RYR3: variants seen among roughly 807,000 people sequenced by gnomAD.
RYR3 encodes brain ryanodine receptor-calcium release channel.
In RYR3, 207 loss-of-function variants were observed where a neutral mutation model predicts 584.3. The ratio of observed to expected loss-of-function variants is 0.35; its 90% confidence interval spans 0.32 to 0.40. RYR3 has a LOEUF of 0.40. Ranked by LOEUF, RYR3 falls within the 10% of genes least tolerant of loss-of-function variation. RYR3 has a pLI of 1.00. For synonymous variants in RYR3, 2,416 were observed against 2,248.5 expected, an observed-to-expected ratio of 1.07 and a Z score of -2.11; for missense variants, 5,616 against 6,089.2, an observed-to-expected ratio of 0.92 and a Z score of 2.59.
chr15:33,857,826 C>T lies in RYR3; in HGVS notation c.14054C>T (p.Thr4685Ile). Residue 4685 changes from threonine to isoleucine, a missense_variant, in exon 99 of 104, where the codon ACT (threonine) becomes ATT (isoleucine). Around this residue, in one of 9 missense-constraint regions of RYR3, gnomAD observed 918 missense variants for 887.4 expected, o/e 1.03. Coordinates refer to ENST00000634891, the MANE Select transcript of RYR3 (RefSeq NM_001036.6). ...CTGGCCGTGGTGGTTTATCTCTATA[C>T]TGTGGTGGCTTTCAACTTCTTCCGC... ...GLLAVVVYLY[T>I]VVAFNFFRKF... 6.2e-7 allele frequency: 1 copy of T among 1,614,170 alleles called. No homozygotes were observed. The highest frequency in any genetic ancestry group is 2.2e-5 in the East Asian group (1 of 44,880).
At chr15:33,345,426 C>G (rs1972332387) in intron 1 of RYR3, among the ~76,000 whole-genome samples, 1 of 152,196 alleles carries the variant, frequency 6.6e-6, no homozygotes, top group African/African-American at 2.4e-5. Context: ...CAGCTCACTG[C>G]AGCCTTGACC....
intron 36 of RYR3, among the ~76,000 whole-genome samples, chr15:33,669,142 G>A (rs2063664308): frequency 6.6e-6 from 1 of 151,230 alleles, no homozygotes; most frequent in South Asian, 2.1e-4. Flanking sequence ...TCTTATTTAG[G>A]TATTTTCCAA....
At chr15:33,663,176 A>G (rs1209797833) in intron 35 of RYR3, among the ~76,000 whole-genome samples, 3 of 152,314 alleles carry the variant, frequency 2.0e-5, no homozygotes, top group Admixed American at 1.3e-4. Context: ...AGTGCAAAAA[A>G]CAATGAAAGA....
chr15:33,824,352 T>A (rs1057410185), intron 81 of RYR3, among the ~76,000 whole-genome samples: 1 of 152,226 alleles, frequency 6.6e-6, no homozygotes, highest in African/African-American at 2.4e-5. Context: ...ATATGTTTTT[T>A]AAAAATTTAA....
At chr15:33,826,578 A>C (rs749253350) in intron 83 of RYR3, 94 bp from the exon 84 acceptor site, 518 of 1,130,300 alleles carry the variant, frequency 4.6e-4, no homozygotes, top group Non-Finnish European at 6.7e-4. Flanking sequence ...CCATTCTGAC[A>C]CAACTCCTTT....
At position 33,526,951 on chromosome 15, in the gene RYR3, A is replaced by T. The variant is rs571246454; in HGVS notation, c.280-3641A>T. On this transcript the variant is annotated intron_variant, in intron 3 of 103. Transcript: ENST00000634891. ...AGCACAGAACTGAATAAAGGGTGGA[A>T]ATTAACCATGAGAATATTGGAAGAG... 1.2e-4 allele frequency among the ~76,000 whole-genome samples: 19 copies of T among 152,346 alleles called. 1 individual carries two copies. The South Asian group carries it at 3.1e-3, about 25-fold the overall frequency.
At chr15:33,863,394 A>G (rs889823605) in intron 102 of RYR3, among the ~76,000 whole-genome samples, 3 of 152,208 alleles carry the variant, frequency 2.0e-5, no homozygotes, top group African/African-American at 7.2e-5. Context: ...CCACCATGAC[A>G]GAACTCAAGA....
At chr15:33,771,093 A>G (rs1485187237) in intron 62 of RYR3, among the ~76,000 whole-genome samples, 1 of 151,738 alleles carries the variant, frequency 6.6e-6, no homozygotes, top group Admixed American at 6.5e-5. Flanking sequence ...TAAAACGGCT[A>G]GTTGTCTCTT....
intron 1 of RYR3, among the ~76,000 whole-genome samples, chr15:33,326,336 T>G (rs1420339996): frequency 2.0e-5 from 3 of 152,154 alleles, no homozygotes; most frequent in Non-Finnish European, 4.4e-5. Context: ...ACTTACTATG[T>G]AAAAGGCATG....
chr15:33,860,455 A>G, intron 100 of RYR3, 140 bp from the exon 101 acceptor site: 1 of 544,784 alleles, frequency 1.8e-6, no homozygotes, highest in Non-Finnish European at 3.2e-6. Context: ...TAACACAAAG[A>G]AACACGAGTA....
rs1340877390 is a variant in RYR3, at chr15:33,866,058, A to AAAT, written c.*834_*836dup. On this transcript the variant is annotated 3_prime_UTR_variant, in exon 104 of 104. Transcript: ENST00000634891. ...CTGCTCTGTTTAGGTGAATCTCCTC[A>AAAT]AATACAATGAAGTGCCCACTGCAAT... 2 of 155,388 alleles carry AAAT rather than the reference A, an allele frequency of 1.3e-5. No homozygotes were observed. Among genetic ancestry groups the AAAT allele is most frequent in the African/African-American group, 4.8e-5 (2 of 41,458 alleles). 9.6% of individuals were successfully genotyped at this position (155,388 alleles called of 1,614,324 possible).
Position 33,613,371 on chromosome 15 carries a change from G to A in RYR3, c.2353G>A (p.Val785Ile), listed in dbSNP as rs374380667. 16 of 1,596,100 alleles carry A rather than the reference G, an allele frequency of 1.0e-5. No homozygotes were observed. Among genetic ancestry groups the A allele is most frequent in the Admixed American group, 1.7e-5 (1 of 58,708 alleles). The change falls in exon 19 of 104, where the codon GTC becomes ATC. Residue 785 changes from valine to isoleucine, a missense_variant. Physicochemically the swap from Val to Ile is conservative, Grantham distance 29. Transcript: ENST00000634891. ...FFPVMSFSAG[V>I]KVRFLMGGRH... ...CCCTGTGATGAGCTTTTCAGCAGGT[G>A]TCAAGTAAGTTATGGCTGTGATTTC...
At chr15:33,557,015 AAC>A (rs2057111270) in intron 10 of RYR3, among the ~76,000 whole-genome samples, 1 of 152,190 alleles carries the variant, frequency 6.6e-6, no homozygotes, top group South Asian at 2.1e-4. Flanking sequence ...TAAGCAACTA[AAC>A]TATTGGTACA....
chr15:33,429,938 G>T (rs1460952757), intron 1 of RYR3, among the ~76,000 whole-genome samples: 1 of 152,244 alleles, frequency 6.6e-6, no homozygotes, highest in African/African-American at 2.4e-5. Context: ...CTTTGTTTTG[G>T]TTCTCTAGTG....
At chr15:33,572,654 T>TACACACACACAC (rs1180776345) in intron 12 of RYR3, among the ~76,000 whole-genome samples, 61 of 121,154 alleles carry the variant, frequency 5.0e-4, no homozygotes, top group African/African-American at 1.9e-3. Flanking sequence ...AAAAAAACTA[T>TACACACACACAC]ATATACACAC....
At position 33,796,048 on chromosome 15, in the gene RYR3, A is replaced by C. The variant is rs2075594869; in HGVS notation, c.9831-4722A>C. On this transcript the variant is annotated intron_variant, in intron 67 of 103. Transcript: ENST00000634891. Reference sequence around the variant, plus strand: ...TGGAACAAAGCTGAAAAAAGCTCTTACCTCCAAAGTTGACACAGGAGCGTG... The same window carrying C: ...TGGAACAAAGCTGAAAAAAGCTCTTCCCTCCAAAGTTGACACAGGAGCGTG... 2.6e-5 allele frequency among the ~76,000 whole-genome samples: 4 copies of C among 152,096 alleles called. No individual in the cohort carries two copies. The South Asian group carries it at 6.2e-4, about 24-fold the overall frequency.
intron 91 of RYR3, among the ~76,000 whole-genome samples, chr15:33,842,584 A>C (rs1369210028): frequency 6.6e-6 from 1 of 152,176 alleles, no homozygotes; most frequent in Non-Finnish European, 1.5e-5. Context: ...CCCCACAGAG[A>C]GATTGGGAAC....
chr15:33,820,219 A>G lies in RYR3; in HGVS notation c.10758+412A>G, dbSNP rs533151557. Among the ~76,000 whole-genome samples the G allele has an allele frequency of 2.6e-5, 4 of 152,354 alleles. No homozygotes were observed. In the South Asian group the frequency reaches 8.3e-4, roughly 32 times the overall value. On this transcript the variant is annotated intron_variant, in intron 77 of 103. Coordinates refer to ENST00000634891, the MANE Select transcript of RYR3 (RefSeq NM_001036.6). The stretch of plus-strand genomic sequence containing the variant: ...TGACCAGAAATGTTCTTTGTCACCT[A>G]GAAAGATGGTGACCTCTGGAATGCT...
chr15:33,545,610 A>C (rs1207674590), intron 8 of RYR3, among the ~76,000 whole-genome samples: 6 of 152,194 alleles, frequency 3.9e-5, no homozygotes, highest in Non-Finnish European at 8.8e-5. Flanking sequence ...TCTTTGTGTC[A>C]ACTAGTCTCA....
Sources: gnomAD v4.1 joint callset for allele counts (sites outside exome capture counted in the v4.1 genomes callset) on GRCh38, gnomAD v4.1.1 for gene constraint, gnomAD v4.1.1 regional missense constraint, MANE v1.5 for transcripts, NCBI Gene and HGNC (gene_info 2026-07-23, HGNC 2026-07-21) for gene names.